NCALD: variants seen among roughly 807,000 people sequenced by gnomAD.
NCALD encodes neurocalcin delta.
A neutral mutation model predicts 18.6 loss-of-function variants in NCALD; 10 were observed. The ratio of observed to expected loss-of-function variants is 0.54; its 90% CI spans 0.33 to 0.91. The LOEUF (loss-of-function observed/expected upper bound fraction) is 0.91. NCALD is among the 40% of genes least tolerant of loss of function. NCALD has a pLI of 0.03. For missense variants in NCALD, 184 were observed against 247.6 expected (o/e 0.74, Z 1.72); for synonymous variants, 88 against 87.4 (o/e 1.01, Z -0.04).
At chr8:101,890,378 C>A (rs1376174796) in intron 3 of NCALD, among the ~76,000 whole-genome samples, 2 of 152,164 alleles carry the variant, frequency 1.3e-5, no homozygotes, top group African/African-American at 4.8e-5. Flanking sequence ...TGCTCTCATA[C>A]CCTCCCTCTG....
intron 2 of NCALD, among the ~76,000 whole-genome samples, chr8:101,974,717 A>C (rs1563497775): frequency 1.3e-5 from 2 of 152,230 alleles, no homozygotes; most frequent in African/African-American, 2.4e-5. Context: ...ACAGCAATAA[A>C]AGATACTAAA....
intron 4 of NCALD, among the ~76,000 whole-genome samples, chr8:101,873,830 C>T (rs1563846202): frequency 1.3e-5 from 2 of 152,090 alleles, no homozygotes; most frequent in Non-Finnish European, 1.5e-5. Flanking sequence ...ACACCAGGGA[C>T]CAAAAATACT....
chr8:101,692,683 G>T, intron 3 of NCALD, 108 bp downstream of exon 3: 1 of 1,401,710 alleles, frequency 7.1e-7, no homozygotes, highest in Non-Finnish European at 9.7e-7. Context: ...AGGCTTGGAG[G>T]ATGAGCCGCT....
chr8:101,778,178 T>C (rs755882241), intron 1 of NCALD, among the ~76,000 whole-genome samples: 2 of 152,244 alleles, frequency 1.3e-5, no homozygotes, highest in Non-Finnish European at 2.9e-5. Context: ...CACTGTCACA[T>C]GTGCCTCCTG....
upstream of NCALD, chr8:102,124,503 C>G (rs36073348): frequency 2.6e-5 from 3 of 114,844 alleles, no homozygotes; most frequent in Non-Finnish European, 4.3e-5. Flanking sequence ...GACGCCCCCC[C>G]CCTCCCCCGC....
At chr8:101,845,821 T>C (rs775500089) in intron 4 of NCALD, among the ~76,000 whole-genome samples, 1 of 152,166 alleles carries the variant, frequency 6.6e-6, no homozygotes. Context: ...CCTCTCTATA[T>C]TTACCCTCTT....
At chr8:101,761,399 A>G (rs986639337) in intron 1 of NCALD, among the ~76,000 whole-genome samples, 1 of 152,186 alleles carries the variant, frequency 6.6e-6, no homozygotes, top group Non-Finnish European at 1.5e-5. Context: ...GCGTGTGAGC[A>G]TGGGGAGAAC....
intron 2 of NCALD, chr8:101,693,319 T>A (rs1054690288): frequency 1.4e-4 from 1 of 7,138 alleles, no homozygotes; most frequent in African/African-American, 3.6e-4. Context: ...ACACAGGGCG[T>A]TTTTTTTTTT....
intron 4 of NCALD, among the ~76,000 whole-genome samples, chr8:101,848,210 A>G (rs1322849578): frequency 1.3e-5 from 2 of 152,150 alleles, no homozygotes. Context: ...GAGAGCTCAG[A>G]GGCTTAGCTA....
chr8:101,833,761 T>C (rs1026963138), intron 4 of NCALD, among the ~76,000 whole-genome samples: 4 of 152,184 alleles, frequency 2.6e-5, no homozygotes, highest in African/African-American at 9.6e-5. Context: ...AAAAAGTGTG[T>C]AAAACTGGTG....
At chr8:101,856,618 T>C (rs1815332307) in intron 4 of NCALD, among the ~76,000 whole-genome samples, 1 of 152,150 alleles carries the variant, frequency 6.6e-6, no homozygotes, top group African/African-American at 2.4e-5. Context: ...TTTATATGAA[T>C]ATGAAAACTT....
At chr8:101,802,196 G>A (rs957858766) in intron 4 of NCALD, among the ~76,000 whole-genome samples, 12 of 151,938 alleles carry the variant, frequency 7.9e-5, no homozygotes, top group African/African-American at 2.9e-4. Context: ...AATCTTTGAC[G>A]TTACTTTTGT....
intron 4 of NCALD, among the ~76,000 whole-genome samples, chr8:101,884,350 CCA>C (rs1816598110): frequency 6.6e-6 from 1 of 152,146 alleles, no homozygotes; most frequent in African/African-American, 2.4e-5. Context: ...ACTCCCAACC[CCA>C]CTCTTCTCAG....
intron 1 of NCALD, among the ~76,000 whole-genome samples, chr8:101,728,923 C>G (rs1440888994): frequency 6.6e-6 from 1 of 152,214 alleles, no homozygotes; most frequent in African/African-American, 2.4e-5. Context: ...AATTTTCAGC[C>G]AATGGAATGT....
At chr8:101,843,280 A>T (rs759256451) in intron 4 of NCALD, among the ~76,000 whole-genome samples, 7 of 152,260 alleles carry the variant, frequency 4.6e-5, no homozygotes, top group Non-Finnish European at 1.0e-4. Flanking sequence ...TCAAAAAGAT[A>T]TCATGAGGAT....
chr8:101,704,738 T>C (rs950087090), intron 2 of NCALD, among the ~76,000 whole-genome samples: 5 of 150,450 alleles, frequency 3.3e-5, no homozygotes, highest in African/African-American at 1.2e-4. Flanking sequence ...GCCAACATGG[T>C]GAAACCCCAT....
At chr8:102,115,042 T>C (rs7833656) in intron 1 of NCALD, among the ~76,000 whole-genome samples, 63,424 of 152,164 alleles carry the variant, frequency 0.42, 14,046 homozygotes, top group African/African-American at 0.51. Context: ...CAGGGCCCCA[T>C]GCTGGCATTA....
intron 1 of NCALD, among the ~76,000 whole-genome samples, chr8:102,072,132 A>G (rs1180200083): frequency 6.6e-6 from 1 of 152,246 alleles, no homozygotes; most frequent in Admixed American, 6.5e-5. Context: ...GCACTTTATA[A>G]GAGCAGATAT....
intron 1 of NCALD, among the ~76,000 whole-genome samples, chr8:102,052,557 A>G (rs1281238525): frequency 6.6e-6 from 1 of 152,266 alleles, no homozygotes; most frequent in Non-Finnish European, 1.5e-5. Context: ...AAATCCACAC[A>G]TAATTCAGGA....
Sources: allele counts gnomAD v4.1 joint callset (sites outside exome capture counted in the v4.1 genomes callset), GRCh38; gene constraint gnomAD v4.1.1; transcripts MANE v1.5; gene names NCBI Gene and HGNC (gene_info 2026-07-23, HGNC 2026-07-21).